LYPD6B: variants seen among roughly 807,000 people sequenced by gnomAD.
LYPD6B encodes the protein ly6/PLAUR domain-containing protein 6B.
Under a neutral mutation model 22.8 loss-of-function variants are expected in LYPD6B, and 17 were observed. The observed-to-expected ratio is 0.75, with a 90% confidence interval of 0.51 to 1.12. LYPD6B has a LOEUF of 1.12. Ranked by LOEUF, LYPD6B falls within the 50% of genes most tolerant of loss-of-function variation. The pLI is 0.00. For synonymous variants in LYPD6B, 106 were observed against 91.6 expected, an observed-to-expected ratio of 1.16 and a Z score of -0.90; for missense variants, 221 against 258.3, an observed-to-expected ratio of 0.86 and a Z score of 0.99.
chr2:149,096,988 A>T (rs969445505), intron 1 of LYPD6B, among the ~76,000 whole-genome samples: 1 of 152,214 alleles, frequency 6.6e-6, no homozygotes, highest in African/African-American at 2.4e-5. Context: ...TCCATTCTCA[A>T]TGGGAGGCAT....
intron 1 of LYPD6B, among the ~76,000 whole-genome samples, chr2:149,071,252 G>T (rs577064886): frequency 2.6e-5 from 4 of 152,262 alleles, no homozygotes; most frequent in African/African-American, 9.6e-5. Flanking sequence ...ATATTTGTTT[G>T]ATCTTTTGTA....
chr2:149,119,890 G>A (rs1559009309), intron 1 of LYPD6B, among the ~76,000 whole-genome samples: 1 of 152,068 alleles, frequency 6.6e-6, no homozygotes, highest in African/African-American at 2.4e-5. Flanking sequence ...GCTAGAGCCA[G>A]CATATATAGA....
intron 1 of LYPD6B, among the ~76,000 whole-genome samples, chr2:149,123,753 G>A (rs571911248): frequency 5.0e-4 from 76 of 152,214 alleles, no homozygotes; most frequent in Non-Finnish European, 6.0e-4. Context: ...CTACTCACTC[G>A]GGAGGCTGAG....
chr2:149,212,142 C>A (rs933022125), intron 5 of LYPD6B, among the ~76,000 whole-genome samples: 9 of 151,666 alleles, frequency 5.9e-5, no homozygotes, highest in Non-Finnish European at 1.3e-4. Context: ...CTTTGGGAGG[C>A]CGAGGCGGGC....
At chr2:149,113,646 A>G (rs1686866262) in intron 1 of LYPD6B, among the ~76,000 whole-genome samples, 1 of 152,168 alleles carries the variant, frequency 6.6e-6, no homozygotes, top group Admixed American at 6.5e-5. Flanking sequence ...GAGTCTCACT[A>G]TAGTCTCTAG....
chr2:149,114,600 C>T (rs1686913496), intron 1 of LYPD6B, among the ~76,000 whole-genome samples: 1 of 152,166 alleles, frequency 6.6e-6, no homozygotes, highest in Admixed American at 6.5e-5. Context: ...CACTACTGTT[C>T]TAAGGGCTAA....
chr2:149,148,835 A>G (rs1689192061), intron 2 of LYPD6B, among the ~76,000 whole-genome samples: 1 of 152,174 alleles, frequency 6.6e-6, no homozygotes, highest in Non-Finnish European at 1.5e-5. Context: ...CTGACTGCAA[A>G]GAGTAGGATT....
At chr2:149,209,788 T>C (rs12621361) in intron 5 of LYPD6B, among the ~76,000 whole-genome samples, 27,167 of 152,194 alleles carry the variant, frequency 0.18, 2,580 homozygotes, top group East Asian at 0.36. Context: ...GAATAATTAA[T>C]TAACAAAATA....
At chr2:149,209,934 T>C (rs1006878963) in intron 5 of LYPD6B, among the ~76,000 whole-genome samples, 1 of 152,218 alleles carries the variant, frequency 6.6e-6, no homozygotes, top group Admixed American at 6.5e-5. Flanking sequence ...AATTTATCTT[T>C]GTTATTTCAA....
chr2:149,208,967 G>A (rs1199064783), intron 5 of LYPD6B, among the ~76,000 whole-genome samples: 3 of 152,220 alleles, frequency 2.0e-5, no homozygotes, highest in South Asian at 2.1e-4. Context: ...AAGCTGCCAC[G>A]TGGAGATCTG....
intron 1 of LYPD6B, among the ~76,000 whole-genome samples, chr2:149,104,536 G>A (rs35148917): frequency 0.37 from 56,053 of 151,910 alleles, 10,745 homozygotes; most frequent in Non-Finnish European, 0.39. Flanking sequence ...CATTTCCTTT[G>A]GTGAGGTGTC....
intron 1 of LYPD6B, among the ~76,000 whole-genome samples, chr2:149,085,150 GA>G (rs1361760748): frequency 6.6e-6 from 1 of 152,218 alleles, no homozygotes; most frequent in Non-Finnish European, 1.5e-5. Flanking sequence ...ATACCGATGA[GA>G]AAGCTGAGCC....
intron 3 of LYPD6B, among the ~76,000 whole-genome samples, chr2:149,167,156 G>A (rs566062247): frequency 4.6e-5 from 7 of 152,078 alleles, no homozygotes; most frequent in African/African-American, 1.7e-4. Flanking sequence ...TGACAGGCAG[G>A]TCTCTGCAGT....
chr2:149,052,993 G>T (rs1683633743), intron 1 of LYPD6B, among the ~76,000 whole-genome samples: 1 of 152,158 alleles, frequency 6.6e-6, no homozygotes, highest in African/African-American at 2.4e-5. Flanking sequence ...CTGTTCTTGG[G>T]AGGCTATTGA....
At chr2:149,046,001 C>A (rs941074629) in intron 1 of LYPD6B, among the ~76,000 whole-genome samples, 1 of 152,046 alleles carries the variant, frequency 6.6e-6, no homozygotes, top group African/African-American at 2.4e-5. Flanking sequence ...TTTCCAGTTA[C>A]AATTGTGGAT....
chr2:149,199,413 T>C (rs1693019648), intron 3 of LYPD6B, among the ~76,000 whole-genome samples: 1 of 152,226 alleles, frequency 6.6e-6, no homozygotes, highest in Non-Finnish European at 1.5e-5. Context: ...GTGGCTCATA[T>C]TGACTTTTGG....
chr2:149,181,856 T>A (rs1691745949), intron 3 of LYPD6B, among the ~76,000 whole-genome samples: 1 of 152,198 alleles, frequency 6.6e-6, no homozygotes, highest in Non-Finnish European at 1.5e-5. Context: ...TTCAACAATA[T>A]CCTTTACAGT....
At chr2:149,045,189 T>C (rs1171050612) in intron 1 of LYPD6B, among the ~76,000 whole-genome samples, 1 of 151,260 alleles carries the variant, frequency 6.6e-6, no homozygotes, top group Non-Finnish European at 1.5e-5. Flanking sequence ...TTCACCTAAG[T>C]TGTCAAATTC....
At chr2:149,062,070 T>C (rs1427750760) in intron 1 of LYPD6B, among the ~76,000 whole-genome samples, 1 of 151,104 alleles carries the variant, frequency 6.6e-6, no homozygotes, top group Non-Finnish European at 1.5e-5. Context: ...CACCACAAAC[T>C]CCGCCTTCCC....
Sources: gnomAD v4.1 joint callset for allele counts (sites outside exome capture counted in the v4.1 genomes callset) on GRCh38, gnomAD v4.1.1 for gene constraint, MANE v1.5 for transcripts, NCBI Gene and HGNC (gene_info 2026-07-23, HGNC 2026-07-21) for gene names.